The following PRH1 variants were observed in gnomAD, a reference collection of about 807,000 sequenced individuals.
PRH1 encodes the protein salivary acidic proline-rich phosphoprotein 1/2.
PRH1 carries 7 observed loss-of-function variants against 7.9 expected under a neutral mutation model. That is an observed-to-expected ratio of 0.89 (90% CI 0.50 to 1.67). The LOEUF is 1.67. Ranked by LOEUF, PRH1 falls within the 40% of genes most tolerant of loss-of-function variation. The pLI is 0.00. For synonymous variants in PRH1, 45 were observed against 80.8 expected (o/e 0.56, Z 2.38); for missense variants, 109 against 223.6 (o/e 0.49, Z 3.27).
At chr12:10,968,042 C>T (rs1166345324) in intron 2 of PRH1, among the ~76,000 whole-genome samples, 1 of 152,166 alleles carries the variant, frequency 6.6e-6, no homozygotes, top group Non-Finnish European at 1.5e-5. Flanking sequence ...GATGGAGCCA[C>T]TGCACTCCAG....
intron 1 of PRH1, among the ~76,000 whole-genome samples, chr12:11,006,733 A>G (rs1940851351): frequency 6.6e-6 from 1 of 152,100 alleles, no homozygotes; most frequent in African/African-American, 2.4e-5. Flanking sequence ...TTCATTCCTA[A>G]ATGTGTAATA....
In PRH1 at chr12:11,042,623, C is replaced by CTTTTTTTTTTTTTTTTTTTTTTTT. The variant is rs71051557; in HGVS notation, c.-126+4373_-126+4396dup. 3.3e-4 allele frequency among the ~76,000 whole-genome samples: 26 copies of CTTTTTTTTTTTTTTTTTTTTTTTT among 79,312 alleles called. 5 individuals carry two copies. The highest frequency in any genetic ancestry group is 4.2e-4 in the African/African-American group (8 of 18,908). 52.0% of individuals were successfully genotyped at this position (79,312 alleles called of 152,430 possible). A position where few individuals can be genotyped will look rare whatever the true frequency, so the allele number is the denominator to read the frequency against. ...AAGAGGGACTACTTCCAGGCTCATT[C>CTTTTTTTTTTTTTTTTTTTTTTTT]TTTTTTTTTTTTTTTTTTTTTTTTG... On this transcript the variant is annotated intron_variant, in intron 1 of 3. Transcript: ENST00000539853.
chr12:11,047,401 T>G (rs1007998919), upstream of PRH1, among the ~76,000 whole-genome samples: 1 of 152,154 alleles, frequency 6.6e-6, no homozygotes, highest in Non-Finnish European at 1.5e-5. Context: ...GAGGGAATAA[T>G]TGAATTTTTT....
chr12:11,091,804 A>T, intron 1 of PRH1: 1 of 1,503,400 alleles, frequency 6.7e-7, no homozygotes, highest in Non-Finnish European at 9.2e-7. Flanking sequence ...CAAAAAGATG[A>T]CAAGCCAAAA....
intron 2 of PRH1, among the ~76,000 whole-genome samples, chr12:10,958,778 G>A (rs1249275212): frequency 6.6e-6 from 1 of 152,140 alleles, no homozygotes; most frequent in Non-Finnish European, 1.5e-5. Flanking sequence ...TTGTTAGCAT[G>A]GGATGAGCCA....
intron 1 of PRH1, among the ~76,000 whole-genome samples, chr12:11,135,078 T>A (rs771394714): frequency 2.6e-5 from 4 of 152,188 alleles, no homozygotes; most frequent in Non-Finnish European, 5.9e-5. Flanking sequence ...ATATCTCTAA[T>A]TCTTAGGCCT....
At position 11,013,732 on chromosome 12, in the gene PRH1, T is replaced by C. The variant is rs1941162753; in HGVS notation, c.-126+33288A>G. 2.0e-5 allele frequency among the ~76,000 whole-genome samples: 3 copies of C among 149,584 alleles called. No individual in the cohort carries two copies. The Admixed American group carries it at 2.0e-4, about 10-fold the overall frequency. ...AAGCAAAAATATTATTGATTCTCCC[T>C]AGATTTTTATTTTTTGAGACATGGT... is the stretch of plus-strand genomic sequence containing the variant. On this transcript the variant is annotated intron_variant, in intron 1 of 3. Coordinates refer to the PRH1 transcript ENST00000539853.
intron 1 of PRH1, among the ~76,000 whole-genome samples, chr12:11,059,352 A>G (rs1943493026): frequency 6.6e-6 from 1 of 152,166 alleles, no homozygotes; most frequent in Admixed American, 6.5e-5. Context: ...TCCTGTCTCA[A>G]TTTCCACATA....
exon 1 of PRH1, chr12:11,047,183 G>T: frequency 2.7e-6 from 1 of 375,876 alleles, no homozygotes. Context: ...CCAAATGCTG[G>T]AGAACCTATG....
At chr12:10,972,393 C>G (rs1487811082) in intron 2 of PRH1, among the ~76,000 whole-genome samples, 1 of 152,250 alleles carries the variant, frequency 6.6e-6, no homozygotes, top group South Asian at 2.1e-4. Context: ...CAGTAAAGCA[C>G]CAGCACATGC....
chr12:11,017,819 T>G (rs1941374844), intron 1 of PRH1, among the ~76,000 whole-genome samples: 1 of 151,228 alleles, frequency 6.6e-6, no homozygotes, highest in Admixed American at 6.6e-5. Flanking sequence ...GGTAAATGGC[T>G]TCCTATATAC....
Position 10,882,220 on chromosome 12 carries a change from T to C in PRH1, c.*15A>G, listed in dbSNP as rs759455767. 23 of 1,613,702 alleles carry C rather than the reference T, an allele frequency of 1.4e-5. No individual in the cohort carries two copies. The South Asian group carries it at 2.5e-4, about 18-fold the overall frequency. On this transcript the variant is annotated 3_prime_UTR_variant, in exon 3 of 4. Transcript: ENST00000543626. ...GGATAATAAACTGGAATCGTACCTG[T>C]CATTGAATCCTAGATTACTGAGGAG...
chr12:11,073,064 C>A lies in PRH1; in HGVS notation n.124-25876G>T, dbSNP rs531836520. On this transcript the variant is annotated intron_variant and non_coding_transcript_variant, in intron 1 of 4. Coordinates refer to the PRH1 transcript ENST00000541977. Reference sequence around the variant, plus strand: ...AGATACACCTGATAATATTTGGAAACCTGCAACATAGATATTGTTTTTAAG... The same window carrying A: ...AGATACACCTGATAATATTTGGAAAACTGCAACATAGATATTGTTTTTAAG... Among the ~76,000 whole-genome samples the A allele has an allele frequency of 4.8e-4, 61 of 126,930 alleles. 3 individuals are homozygous for A. The highest frequency in any genetic ancestry group is 1.4e-3 in the Admixed American group (18 of 12,668). 83.3% of individuals were successfully genotyped at this position (126,930 alleles called of 152,430 possible).
intron 1 of PRH1, among the ~76,000 whole-genome samples, chr12:11,016,968 C>G (rs1045191983): frequency 1.3e-5 from 2 of 152,214 alleles, no homozygotes; most frequent in East Asian, 1.9e-4. Flanking sequence ...TGCCTATCCA[C>G]TTAACCTATC....
intron 1 of PRH1, among the ~76,000 whole-genome samples, chr12:11,134,845 A>C (rs567016949): frequency 6.6e-6 from 1 of 152,288 alleles, no homozygotes; most frequent in South Asian, 2.1e-4. Flanking sequence ...CCAATACTCC[A>C]TAAGATCTGG....
chr12:10,902,165 G>T (rs1171379186), intron 2 of PRH1, among the ~76,000 whole-genome samples: 1 of 151,956 alleles, frequency 6.6e-6, no homozygotes, highest in Admixed American at 6.6e-5. Flanking sequence ...ATCTTACAAA[G>T]AAATCAATCA....
chr12:11,162,052 A>G (rs1947434318), intron 1 of PRH1, among the ~76,000 whole-genome samples: 1 of 152,232 alleles, frequency 6.6e-6, no homozygotes, highest in Non-Finnish European at 1.5e-5. Flanking sequence ...CCAAACTTGC[A>G]TTATTGAAAA....
At chr12:10,995,209 T>C (rs1258030337) in intron 1 of PRH1, among the ~76,000 whole-genome samples, 1 of 152,220 alleles carries the variant, frequency 6.6e-6, no homozygotes, top group Non-Finnish European at 1.5e-5. Context: ...AACTTGTTCA[T>C]CAAAGTATCA....
chr12:11,077,430 A>C, intron 1 of PRH1: 1 of 662,222 alleles, frequency 1.5e-6, no homozygotes, highest in Middle Eastern at 2.5e-4. Flanking sequence ...GGAATGAAGG[A>C]TACATGATTC....
Sources: allele counts gnomAD v4.1 joint callset (sites outside exome capture counted in the v4.1 genomes callset), GRCh38; gene constraint gnomAD v4.1.1; transcripts MANE v1.5; gene names NCBI Gene and HGNC (gene_info 2026-07-23, HGNC 2026-07-21).